Variants in SEZ6L observed in about 807,000 individuals in gnomAD.
The protein encoded by SEZ6L is seizure related 6 homolog like.
SEZ6L carries 37 observed loss-of-function variants against 106.2 expected under a neutral mutation model. The observed-to-expected ratio is 0.35, with a 90% CI of 0.27 to 0.46. The LOEUF is 0.46. SEZ6L is among the 20% of genes least tolerant of loss of function. The probability of loss-of-function intolerance (pLI) is 1.00; values close to 1 mark genes in which losing one functional copy is unlikely to be tolerated. For synonymous variants in SEZ6L, 541 were observed against 570.4 expected, an observed-to-expected ratio of 0.95 and a Z score of 0.73; for missense variants, 1,172 against 1,332.8, an observed-to-expected ratio of 0.88 and a Z score of 1.88.
chr22:26,347,982 G>T, intron 11 of SEZ6L, 69 bp downstream of exon 11: 1 of 1,265,774 alleles, frequency 7.9e-7, no homozygotes, highest in Non-Finnish European at 1.1e-6. Flanking sequence ...TCTTTTTTTG[G>T]TGGGTGCAGT....
intron 16 of SEZ6L, among the ~76,000 whole-genome samples, chr22:26,378,360 G>T (rs2084301291): frequency 6.6e-6 from 1 of 152,158 alleles, no homozygotes; most frequent in Admixed American, 6.5e-5. Context: ...GGACATTGAG[G>T]TCCAGAGAGA....
chr22:26,267,491 T>G (rs1048223434), intron 1 of SEZ6L, among the ~76,000 whole-genome samples: 2 of 152,218 alleles, frequency 1.3e-5, no homozygotes, highest in African/African-American at 4.8e-5. Flanking sequence ...ACTGGAATTC[T>G]GCAAAACACT....
chr22:26,209,804 T>C (rs1345618144), intron 1 of SEZ6L, among the ~76,000 whole-genome samples: 5 of 108,402 alleles, frequency 4.6e-5, no homozygotes, highest in Admixed American at 3.3e-4. Context: ...CAAAGATGAA[T>C]AGATGGATAG....
At chr22:26,233,096 T>C (rs537267179) in intron 1 of SEZ6L, among the ~76,000 whole-genome samples, 16 of 152,376 alleles carry the variant, frequency 1.1e-4, no homozygotes, top group African/African-American at 3.8e-4. Flanking sequence ...TGTTCAGTAA[T>C]AGATTTAAAC....
intron 16 of SEZ6L, among the ~76,000 whole-genome samples, chr22:26,378,497 G>A (rs947516602): frequency 5.3e-5 from 8 of 152,190 alleles, no homozygotes; most frequent in African/African-American, 1.9e-4. Context: ...ACAATCCAAT[G>A]TGCCCATGAA....
chr22:26,305,603 CT>C (rs2081604614), intron 5 of SEZ6L, among the ~76,000 whole-genome samples: 1 of 152,234 alleles, frequency 6.6e-6, no homozygotes, highest in South Asian at 2.1e-4. Flanking sequence ...CTTTTGTGAA[CT>C]GCCTGTTTAT....
At chr22:26,344,350 A>G (rs1240765664) in intron 10 of SEZ6L, among the ~76,000 whole-genome samples, 1 of 152,218 alleles carries the variant, frequency 6.6e-6, no homozygotes, top group East Asian at 1.9e-4. Flanking sequence ...GGAATAAGAA[A>G]CAGAGATAAG....
chr22:26,340,396 C>G (rs776629790), intron 9 of SEZ6L, 40 bp from the exon 10 acceptor site: 4 of 1,554,990 alleles, frequency 2.6e-6, no homozygotes, highest in Non-Finnish European at 3.5e-6. Flanking sequence ...AATGCCCATT[C>G]TCTATTTCAC....
At chr22:26,179,886 T>C (rs1432444300) in intron 1 of SEZ6L, among the ~76,000 whole-genome samples, 2 of 152,212 alleles carry the variant, frequency 1.3e-5, no homozygotes, top group Admixed American at 6.5e-5. Context: ...CTCTCTAATA[T>C]GGTAGCCATG....
In SEZ6L at chr22:26,292,845, G is replaced by A. The variant is rs374087121; in HGVS notation, c.534G>A (p.Glu178=). 1 of 1,614,114 alleles carries A rather than the reference G, an allele frequency of 6.2e-7. No homozygotes were observed. Among genetic ancestry groups the A allele is most frequent in the Non-Finnish European group, 8.5e-7 (1 of 1,179,974 alleles). The change falls in exon 2 of 17, where the codon GAG becomes GAA. Residue 178 remains glutamate (E), a synonymous_variant. Transcript: ENST00000248933. ...GDPDPIVASE[E]ASEVPLWLDR... Reference sequence around the variant, plus strand: ...CGGACCCCATCGTGGCCTCCGAGGAGGCATCAGAAGTGCCCCTTTGGCTGG... The same window carrying A: ...CGGACCCCATCGTGGCCTCCGAGGAAGCATCAGAAGTGCCCCTTTGGCTGG...
chr22:26,348,513 AGAAGGAAG>A (rs200858250), intron 11 of SEZ6L, among the ~76,000 whole-genome samples: 6,917 of 33,094 alleles, frequency 0.21, 1,064 homozygotes, highest in Non-Finnish European at 0.25. Flanking sequence ...TGGGAGAGAG[AGAAGGAAG>A]GAAGGAAGGA....
At chr22:26,329,122 CAG>C (rs1174170704) in intron 9 of SEZ6L, among the ~76,000 whole-genome samples, 1 of 151,848 alleles carries the variant, frequency 6.6e-6, no homozygotes, top group Admixed American at 6.6e-5. Context: ...TGGAGAGAAA[CAG>C]AGAGGAAGAG....
At chr22:26,237,409 A>G (rs929324483) in intron 1 of SEZ6L, among the ~76,000 whole-genome samples, 2 of 152,240 alleles carry the variant, frequency 1.3e-5, no homozygotes, top group East Asian at 1.9e-4. Context: ...CAAAGATGTC[A>G]GAGTGGAAGC....
chr22:26,278,440 C>T (rs1476449155), intron 1 of SEZ6L, among the ~76,000 whole-genome samples: 1 of 152,170 alleles, frequency 6.6e-6, no homozygotes, highest in Non-Finnish European at 1.5e-5. Context: ...CACCCGTCTT[C>T]CACCCTCCCC....
intron 12 of SEZ6L, among the ~76,000 whole-genome samples, chr22:26,362,405 C>A (rs1392078113): frequency 1.3e-5 from 2 of 152,252 alleles, no homozygotes; most frequent in Non-Finnish European, 2.9e-5. Context: ...CATTCAAAAT[C>A]TCTGCCTCTC....
chr22:26,381,232 A>G lies in SEZ6L; in HGVS notation c.*937A>G, dbSNP rs928326675. ...TACAGTGACAAGGATTTGTGATGGG[A>G]AAAAGGAGGTGCCATGTTTGGAAAT... On this transcript the variant is annotated 3_prime_UTR_variant, in exon 17 of 17. Coordinates refer to ENST00000248933, the MANE Select transcript of SEZ6L (RefSeq NM_021115.5). 2.0e-5 allele frequency: 3 copies of G among 152,186 alleles called. No homozygotes were observed. Among genetic ancestry groups the G allele is most frequent in the Non-Finnish European group, 4.4e-5 (3 of 68,086 alleles). The allele number at this position is 152,186 out of a possible 1,614,324, so 9.4% of individuals were successfully genotyped here.
intron 1 of SEZ6L, among the ~76,000 whole-genome samples, chr22:26,178,484 G>T (rs895681801): frequency 3.9e-5 from 6 of 152,182 alleles, no homozygotes; most frequent in African/African-American, 1.4e-4. Flanking sequence ...GTTGGTGCCA[G>T]CCCGGAGCAA....
At chr22:26,342,014 AG>A (rs1394794101) in intron 10 of SEZ6L, among the ~76,000 whole-genome samples, 4 of 152,190 alleles carry the variant, frequency 2.6e-5, no homozygotes, top group Non-Finnish European at 5.9e-5. Context: ...GCAAGGATGA[AG>A]GGTTGCTCAT....
rs1569449590 is a variant in SEZ6L, at chr22:26,294,353, G to A, written c.897G>A (p.Leu299=). 1 of 1,614,038 alleles carries A rather than the reference G, an allele frequency of 6.2e-7. No individual in the cohort carries two copies. Among genetic ancestry groups the A allele is most frequent in the Non-Finnish European group, 8.5e-7 (1 of 1,179,960 alleles). ...EGYIDSSDYP[L]LPLNNFLECT... ...ACATTGACTCCAGCGACTACCCACT[G>A]CTGCCCCTCAACAACTTTCTGGAGT... Residue 299 remains leucine (L), a synonymous_variant, in exon 3 of 17, where the codon CTG becomes CTA. Transcript: ENST00000248933.
Sources: allele counts gnomAD v4.1 joint callset (sites outside exome capture counted in the v4.1 genomes callset), GRCh38; gene constraint gnomAD v4.1.1; transcripts MANE v1.5; gene names NCBI Gene and HGNC (gene_info 2026-07-23, HGNC 2026-07-21).